The following DNM3 variants were observed in gnomAD, a reference collection of about 807,000 sequenced individuals.
DNM3 encodes dynamin 3, also known as dynamin-3.
A neutral mutation model predicts 101.6 loss-of-function variants in DNM3; 47 were observed. The ratio of observed to expected loss-of-function variants is 0.46; its 90% CI spans 0.37 to 0.59. The LOEUF is 0.59. DNM3 is among the 20% of genes least tolerant of loss of function. The probability of loss-of-function intolerance (pLI) is 0.00; values close to 1 mark genes in which losing one functional copy is unlikely to be tolerated. For synonymous variants in DNM3, 385 were observed against 387.9 expected (o/e 0.99, Z 0.09); for missense variants, 849 against 1,085.7 (o/e 0.78, Z 3.06).
chr1:172,316,178 A>T (rs186009054), intron 16 of DNM3, among the ~76,000 whole-genome samples: 87 of 152,270 alleles, frequency 5.7e-4, no homozygotes, highest in Admixed American at 1.3e-3. Context: ...CTTCACAGAC[A>T]AGCAAATGCT....
chr1:172,076,470 A>G (rs2052655355), intron 11 of DNM3, among the ~76,000 whole-genome samples: 1 of 152,142 alleles, frequency 6.6e-6, no homozygotes, highest in African/African-American at 2.4e-5. Context: ...AATAGCTCTT[A>G]TTATTTTGAG....
intron 2 of DNM3, among the ~76,000 whole-genome samples, chr1:171,941,986 T>G (rs1398949794): frequency 6.6e-6 from 1 of 152,164 alleles, no homozygotes. Context: ...TTTGCTATTT[T>G]TTATATTGGA....
intron 6 of DNM3, among the ~76,000 whole-genome samples, chr1:172,037,759 A>G (rs1175375460): frequency 6.6e-6 from 1 of 152,186 alleles, no homozygotes; most frequent in Non-Finnish European, 1.5e-5. Context: ...TTACTCAGTC[A>G]TGGAGTTGCA....
intron 17 of DNM3, among the ~76,000 whole-genome samples, chr1:172,328,567 T>A (rs1365688733): frequency 6.6e-6 from 1 of 152,074 alleles, no homozygotes; most frequent in South Asian, 2.1e-4. Flanking sequence ...AGGTTCTCAC[T>A]TGTAAGTGGG....
intron 10 of DNM3, among the ~76,000 whole-genome samples, chr1:172,056,050 G>A (rs912133314): frequency 1.3e-5 from 2 of 152,178 alleles, no homozygotes; most frequent in African/African-American, 4.8e-5. Context: ...GGGTCAGGGA[G>A]TTCCCTTTCC....
chr1:172,131,831 T>G (rs1353124933), intron 14 of DNM3: 1 of 386,048 alleles, frequency 2.6e-6, no homozygotes, highest in African/African-American at 2.1e-5. Context: ...TGTAAAAGCA[T>G]GAATTATGGT....
intron 14 of DNM3, among the ~76,000 whole-genome samples, chr1:172,192,207 G>T (rs1196322944): frequency 1.3e-5 from 2 of 152,050 alleles, no homozygotes; most frequent in Non-Finnish European, 2.9e-5. Flanking sequence ...AGCGTGAAGG[G>T]CTGTTGAATT....
intron 2 of DNM3, chr1:171,970,087 ACTTATT>A: frequency 4.8e-6 from 1 of 207,790 alleles, no homozygotes; most frequent in Non-Finnish European, 8.4e-6. Flanking sequence ...AAAGATAAGC[ACTTATT>A]CTTATTTGGC....
At chr1:172,119,606 A>G in intron 13 of DNM3, among the ~76,000 whole-genome samples, 1 of 152,050 alleles carries the variant, frequency 6.6e-6, no homozygotes, top group East Asian at 1.9e-4. Flanking sequence ...GCTCATTTTA[A>G]GTCATTTTTT....
intron 19 of DNM3, among the ~76,000 whole-genome samples, chr1:172,387,962 G>A (rs993726557): frequency 1.3e-5 from 2 of 152,074 alleles, no homozygotes; most frequent in African/African-American, 4.8e-5. Flanking sequence ...TGCCAGGCGC[G>A]GTGGCTCACG....
chr1:172,258,753 C>T (rs1336658719), intron 15 of DNM3, among the ~76,000 whole-genome samples: 3 of 151,494 alleles, frequency 2.0e-5, no homozygotes, highest in African/African-American at 4.8e-5. Context: ...CATTTAGTTC[C>T]ACTCTTATCT....
At position 172,349,211 on chromosome 1, in the gene DNM3, A is replaced by T. The variant is rs540552531; in HGVS notation, c.1893+25871A>T. On this transcript the variant is annotated intron_variant, in intron 17 of 20. Transcript: ENST00000627582. ...ATACTGACTATTTTCTAATGGTTTT[A>T]GGGTTTTGAATCCTTGCTATTACAC... is the stretch of plus-strand genomic sequence containing the variant. 5.3e-5 allele frequency among the ~76,000 whole-genome samples: 8 copies of T among 152,294 alleles called. No homozygotes were observed. In the East Asian group the frequency reaches 9.7e-4, roughly 18 times the overall value.
intron 18 of DNM3, among the ~76,000 whole-genome samples, chr1:172,379,912 A>G (rs2068806644): frequency 6.6e-6 from 1 of 152,034 alleles, no homozygotes; most frequent in African/African-American, 2.4e-5. Flanking sequence ...TTTAGATAAG[A>G]TAGGTTATAA....
At chr1:172,266,021 CACT>C (rs938436610) in intron 15 of DNM3, among the ~76,000 whole-genome samples, 2 of 152,178 alleles carry the variant, frequency 1.3e-5, no homozygotes, top group African/African-American at 4.8e-5. Context: ...TAGGATGTTT[CACT>C]ACTCCACTTA....
At chr1:172,356,484 G>T (rs992773998) in intron 17 of DNM3, among the ~76,000 whole-genome samples, 1 of 151,952 alleles carries the variant, frequency 6.6e-6, no homozygotes, top group Non-Finnish European at 1.5e-5. Context: ...GTTACACTTT[G>T]CTAAACATAC....
intron 2 of DNM3, among the ~76,000 whole-genome samples, chr1:171,935,330 T>A (rs1382242700): frequency 1.3e-5 from 2 of 152,166 alleles, no homozygotes; most frequent in African/African-American, 4.8e-5. Flanking sequence ...TATAGGACAT[T>A]TAGTACTTAG....
At chr1:171,849,987 A>G (rs2032730636) in intron 1 of DNM3, among the ~76,000 whole-genome samples, 1 of 152,190 alleles carries the variant, frequency 6.6e-6, no homozygotes, top group Admixed American at 6.5e-5. Context: ...TGATGCTGTG[A>G]TATAAAGTAA....
chr1:172,307,933 A>G (rs948272031), intron 15 of DNM3, among the ~76,000 whole-genome samples: 20 of 152,114 alleles, frequency 1.3e-4, no homozygotes, highest in African/African-American at 4.8e-4. Flanking sequence ...TGATGAGTTA[A>G]TGGGTGCAGC....
intron 18 of DNM3, 55 bp from the exon 19 acceptor site, chr1:172,387,078 C>T (rs2149076357): frequency 6.9e-7 from 1 of 1,448,308 alleles, no homozygotes; most frequent in Non-Finnish European, 9.7e-7. Context: ...ATGTTTCTAC[C>T]TCCACTCAGT....
Sources: gnomAD v4.1 joint callset for allele counts (sites outside exome capture counted in the v4.1 genomes callset) on GRCh38, gnomAD v4.1.1 for gene constraint, MANE v1.5 for transcripts, NCBI Gene and HGNC (gene_info 2026-07-23, HGNC 2026-07-21) for gene names.